Variants in ECPAS observed in about 807,000 individuals in gnomAD.
ECPAS encodes proteasome adapter and scaffold protein ECM29.
Under a neutral mutation model 255.1 loss-of-function variants are expected in ECPAS, and 70 were observed. The observed-to-expected ratio is 0.27, with a 90% confidence interval of 0.23 to 0.33. ECPAS has a LOEUF of 0.33. Ranked by LOEUF, ECPAS falls within the 10% of genes least tolerant of loss-of-function variation. ECPAS has a pLI of 1.00. For synonymous variants in ECPAS, 784 were observed against 775.0 expected (o/e 1.01, Z -0.19); for missense variants, 1,817 against 2,206.4 (o/e 0.82, Z 3.54).
intron 3 of ECPAS, among the ~76,000 whole-genome samples, chr9:111,444,746 T>A (rs2098250562): frequency 6.6e-6 from 1 of 152,334 alleles, no homozygotes; most frequent in Admixed American, 6.5e-5. Context: ...AGTCTTGCTC[T>A]GTCGTGCAGG....
chr9:111,425,396 AT>A, intron 12 of ECPAS, 21 bp downstream of exon 12: 2 of 1,476,400 alleles, frequency 1.4e-6, no homozygotes, highest in South Asian at 1.3e-5. Context: ...TGTTGATAAA[AT>A]TTAAAAGACA....
At chr9:111,416,526 A>G (rs926540601) in intron 17 of ECPAS, among the ~76,000 whole-genome samples, 174 bp from the exon 18 acceptor site, 9 of 152,198 alleles carry the variant, frequency 5.9e-5, no homozygotes, top group African/African-American at 1.9e-4. Flanking sequence ...TCCCTCACAC[A>G]CTAAAAGACA....
chr9:111,394,337 T>C lies in ECPAS; in HGVS notation c.2777-32A>G, dbSNP rs1012080091. On this transcript the variant is annotated intron_variant, in intron 25 of 49. Transcript: ENST00000684092. Reference sequence around the variant, plus strand: ...AAAAGCAAAGAAAAATAACAAAGAATTAAAATAACTCAACATAGTTTCCTG... The same window carrying C: ...AAAAGCAAAGAAAAATAACAAAGAACTAAAATAACTCAACATAGTTTCCTG... 3 of 1,483,670 alleles carry C rather than the reference T, an allele frequency of 2.0e-6. No individual in the cohort carries two copies. The African/African-American group carries it at 4.3e-5, about 21-fold the overall frequency. 91.9% of individuals were successfully genotyped at this position (1,483,670 alleles called of 1,614,324 possible). A position where few individuals can be genotyped will look rare whatever the true frequency, so the allele number is the denominator to read the frequency against.
At chr9:111,446,693 C>T (rs1187284464) in intron 3 of ECPAS, among the ~76,000 whole-genome samples, 2 of 152,190 alleles carry the variant, frequency 1.3e-5, no homozygotes, top group Non-Finnish European at 2.9e-5. Flanking sequence ...CTCACAACAA[C>T]CAGTGAGGTG....
At chr9:111,373,510 A>C in intron 39 of ECPAS, 104 bp from the exon 40 acceptor site, 1 of 829,876 alleles carries the variant, frequency 1.2e-6, no homozygotes, top group East Asian at 2.4e-5. Flanking sequence ...CATCTGATTT[A>C]CTCCACAGTA....
At chr9:111,402,195 A>G (rs2098177189) in intron 24 of ECPAS, among the ~76,000 whole-genome samples, 1 of 152,192 alleles carries the variant, frequency 6.6e-6, no homozygotes. Flanking sequence ...AAATCTTCAC[A>G]ATTTATGTTC....
At chr9:111,460,199 C>T (rs1390908797) in intron 2 of ECPAS, among the ~76,000 whole-genome samples, 1 of 152,062 alleles carries the variant, frequency 6.6e-6, no homozygotes, top group African/African-American at 2.4e-5. Flanking sequence ...CACATTAACA[C>T]AATAGAGAAT....
At chr9:111,406,337 T>C (rs2131689543) in intron 24 of ECPAS, among the ~76,000 whole-genome samples, 1 of 149,744 alleles carries the variant, frequency 6.7e-6, no homozygotes, top group South Asian at 2.1e-4. Context: ...AGTGAACAAA[T>C]GGTGGTTACC....
intron 35 of ECPAS, among the ~76,000 whole-genome samples, chr9:111,380,705 C>T (rs1053568246): frequency 6.6e-6 from 1 of 152,220 alleles, no homozygotes; most frequent in Non-Finnish European, 1.5e-5. Context: ...GTGTAGACAC[C>T]TTTATCAGTG....
At chr9:111,394,653 T>A (rs570232434) in intron 25 of ECPAS, among the ~76,000 whole-genome samples, 19 of 152,322 alleles carry the variant, frequency 1.2e-4, no homozygotes, top group African/African-American at 4.6e-4. Flanking sequence ...GCTACCATAC[T>A]GTTTTTCTCC....
In ECPAS at chr9:111,373,349, T is replaced by C; in HGVS notation, c.4235A>G (p.Lys1412Arg). 2 of 1,613,880 alleles carry C rather than the reference T, an allele frequency of 1.2e-6. No homozygotes were observed. The highest frequency in any genetic ancestry group is 1.1e-5 in the South Asian group (1 of 91,080). The change falls in exon 40 of 50, where the codon AAA (lysine) becomes AGA (arginine). Residue 1412 changes from lysine to arginine, a missense_variant. Lys to Arg is a conservative substitution (Grantham distance 26). Transcript: ENST00000684092. ...GLTDRNSVIQ[K>R]SCAFAMGHLV... ...ATGGCCCATAGCAAATGCACAAGAT[T>C]TCTGAATCACACTGTTCCGATCTGT...
Position 111,366,343 on chromosome 9 carries a change from A to G in ECPAS, c.5220-16T>C. On this transcript the variant is annotated splice_polypyrimidine_tract_variant and intron_variant, in intron 47 of 49. Transcript: ENST00000684092. ...AAGCATTAACCTATACAAATCAGAAAGCAAGGTACAAATGCCAATTATTAA... is the reference window on the plus strand; with the variant it reads ...AAGCATTAACCTATACAAATCAGAAGGCAAGGTACAAATGCCAATTATTAA... 6.5e-7 allele frequency: 1 copy of G among 1,546,514 alleles called. No homozygotes were observed. The highest frequency in any genetic ancestry group is 8.8e-7 in the Non-Finnish European group (1 of 1,138,836).
chr9:111,376,165 C>A (rs1035235780), intron 37 of ECPAS, among the ~76,000 whole-genome samples: 1 of 152,212 alleles, frequency 6.6e-6, no homozygotes, highest in African/African-American at 2.4e-5. Flanking sequence ...CTATTAGGCA[C>A]AGGCACAACT....
At chr9:111,380,355 GTTTT>G (rs1010446127) in intron 35 of ECPAS, among the ~76,000 whole-genome samples, 11 of 152,164 alleles carry the variant, frequency 7.2e-5, no homozygotes, top group African/African-American at 2.7e-4. Flanking sequence ...TTGTTTGTTT[GTTTT>G]TTGTTTTTGT....
rs984313285 is a variant in ECPAS at position 111,444,606 on chromosome 9, T to C, written c.154-112A>G. On this transcript the variant is annotated intron_variant, in intron 3 of 49. Coordinates refer to ENST00000684092, the MANE Select transcript of ECPAS (RefSeq NM_001364929.1). ...TGTTAGTGAATAGTAGCTACTTTGTTCTTTTAAAGGGTATAAATTTTACAT... is the reference window on the plus strand; with the variant it reads ...TGTTAGTGAATAGTAGCTACTTTGTCCTTTTAAAGGGTATAAATTTTACAT... 18 of 698,596 alleles carry C rather than the reference T, an allele frequency of 2.6e-5. No individual in the cohort carries two copies. The South Asian group carries it at 3.4e-4, about 13-fold the overall frequency. The allele number at this position is 698,596 out of a possible 1,614,324, so 43.3% of individuals were successfully genotyped here.
intron 38 of ECPAS, among the ~76,000 whole-genome samples, chr9:111,374,353 T>C (rs2098130927): frequency 6.6e-6 from 1 of 152,162 alleles, no homozygotes; most frequent in Admixed American, 6.6e-5. Flanking sequence ...TAACCAAATA[T>C]CTTCAGGTGT....
rs781080337 is a variant in ECPAS, at chr9:111,386,472, G to A, written c.3448-16C>T. The A allele has an allele frequency of 6.8e-7, 1 of 1,465,086 alleles. No individual in the cohort carries two copies. The highest frequency in any genetic ancestry group is 9.5e-7 in the Non-Finnish European group (1 of 1,057,236). The allele number at this position is 1,465,086 out of a possible 1,614,324, so 90.8% of individuals were successfully genotyped here. On this transcript the variant is annotated splice_polypyrimidine_tract_variant and intron_variant, in intron 31 of 49. Coordinates refer to ENST00000684092, the MANE Select transcript of ECPAS (RefSeq NM_001364929.1). ...ATTTATCCACCTAATGAAAGCAAAA[G>A]GATAAAATTTAAAATGCAAAATCCA... is the stretch of plus-strand genomic sequence containing the variant.
rs138972102 is a variant in ECPAS, at chr9:111,414,412, G to A, written c.1987+17C>T. On this transcript the variant is annotated intron_variant, in intron 19 of 49. Coordinates refer to ENST00000684092, the MANE Select transcript of ECPAS (RefSeq NM_001364929.1). ...TTAAGTGCTTCAGTATCTTTCCTTC[G>A]CGTCACATATTCCTACCTCCAACAC... is the stretch of plus-strand genomic sequence containing the variant. 4.0e-4 allele frequency: 635 copies of A among 1,601,536 alleles called. 1 individual carries two copies. In the African/African-American group the frequency reaches 7.4e-3, roughly 19 times the overall value.
intron 24 of ECPAS, among the ~76,000 whole-genome samples, chr9:111,401,976 C>T (rs1477336048): frequency 6.6e-6 from 1 of 152,170 alleles, no homozygotes; most frequent in Non-Finnish European, 1.5e-5. Flanking sequence ...TTAACACAAT[C>T]ATCACAGGGT....
Sources: gnomAD v4.1 joint callset for allele counts (sites outside exome capture counted in the v4.1 genomes callset) on GRCh38, gnomAD v4.1.1 for gene constraint, MANE v1.5 for transcripts, NCBI Gene and HGNC (gene_info 2026-07-23, HGNC 2026-07-21) for gene names.